NUP210L: variants seen among roughly 807,000 people sequenced by gnomAD.
NUP210L encodes the protein nucleoporin 210 like.
In NUP210L, 74 loss-of-function variants were observed where a neutral mutation model predicts 208.5. That is an observed-to-expected ratio of 0.35 (90% CI 0.29 to 0.43). NUP210L has a LOEUF of 0.43. Ranked by LOEUF, NUP210L falls within the 20% of genes least tolerant of loss-of-function variation. NUP210L has a pLI of 1.00. For synonymous variants in NUP210L, 780 were observed against 816.9 expected, an observed-to-expected ratio of 0.95 and a Z score of 0.77; for missense variants, 1,843 against 2,289.4, an observed-to-expected ratio of 0.81 and a Z score of 3.98.
At chr1:154,117,043 G>C (rs1430730413) in intron 12 of NUP210L, among the ~76,000 whole-genome samples, 1 of 152,106 alleles carries the variant, frequency 6.6e-6, no homozygotes, top group African/African-American at 2.4e-5. Flanking sequence ...TGTAACAAAT[G>C]CTCAAAATGT....
intron 14 of NUP210L, among the ~76,000 whole-genome samples, chr1:154,098,335 A>G (rs1431843788): frequency 1.3e-5 from 2 of 152,144 alleles, no homozygotes; most frequent in African/African-American, 4.8e-5. Flanking sequence ...CTTCACCCAC[A>G]ACGTGGTGAG....
chr1:154,126,811 T>A lies in NUP210L; in HGVS notation c.1186-348A>T, dbSNP rs569042976. Among the ~76,000 whole-genome samples, 11 of 152,206 alleles carry A rather than the reference T, an allele frequency of 7.2e-5. No homozygotes were observed. In the East Asian group the frequency reaches 2.1e-3, roughly 29 times the overall value. On this transcript the variant is annotated intron_variant, in intron 9 of 39. Coordinates refer to ENST00000368559, the Ensembl canonical transcript of NUP210L. ...TCACATCTGATATTCATATTACTAC[T>A]CTCACCACTACAAAACTCTGGTAAC...
At chr1:154,001,602 T>G in intron 36 of NUP210L, 133 bp downstream of exon 36, 2 of 1,015,002 alleles carry the variant, frequency 2.0e-6, no homozygotes, top group Non-Finnish European at 2.9e-6. Flanking sequence ...GTTTTCTTCA[T>G]TTGATTTTGT....
At chr1:154,058,481 A>G in intron 21 of NUP210L, 84 bp downstream of exon 21, 1 of 1,459,410 alleles carries the variant, frequency 6.9e-7, no homozygotes. Context: ...CACACACAGT[A>G]GCTGAGCAGA....
At chr1:154,100,003 G>C in exon 14 of NUP210L, 1 of 1,614,086 alleles carries the variant, frequency 6.2e-7, no homozygotes, top group Non-Finnish European at 8.5e-7. Context: ...CTTACCTTTA[G>C]GGGTTCATAA....
intron 27 of NUP210L, chr1:154,040,050 G>C (rs994250296): frequency 1.3e-5 from 2 of 152,012 alleles, no homozygotes; most frequent in African/African-American, 4.8e-5. Flanking sequence ...ACGGGATCTC[G>C]CTCTATCTAT....
chr1:154,092,554 T>G (rs1277998322), intron 15 of NUP210L, among the ~76,000 whole-genome samples: 6 of 150,730 alleles, frequency 4.0e-5, no homozygotes, highest in African/African-American at 1.5e-4. Context: ...TTTTTTGTTT[T>G]TTTTTTTTTT....
intron 31 of NUP210L, among the ~76,000 whole-genome samples, chr1:154,022,626 T>C (rs1430611352): frequency 6.6e-6 from 1 of 151,224 alleles, no homozygotes; most frequent in Admixed American, 6.6e-5. Flanking sequence ...ATTTAAGATA[T>C]CCTGCATTTT....
At chr1:154,049,279 G>A (rs1422578756) in intron 25 of NUP210L, among the ~76,000 whole-genome samples, 2 of 152,162 alleles carry the variant, frequency 1.3e-5, no homozygotes, top group Non-Finnish European at 2.9e-5. Context: ...TTATGGAGAA[G>A]AGATTTATTA....
chr1:153,995,104 C>T lies in NUP210L; in HGVS notation c.5463G>A (p.Val1821=), dbSNP rs756177616. The change falls in exon 38 of 40, where the codon GTG becomes GTA. Residue 1821 remains valine, a synonymous_variant. Transcript: ENST00000368559. The stretch of plus-strand genomic sequence containing the variant: ...GGAAGATGGAAGCTGTTGATGCCAG[C>T]ACTGCAAAGAGGGTCAAGAGCAGGA... 4 of 1,613,186 alleles carry T rather than the reference C, an allele frequency of 2.5e-6. 1 individual carries two copies. The highest frequency in any genetic ancestry group is 2.2e-5 in the South Asian group (2 of 91,068).
intron 14 of NUP210L, 79 bp downstream of exon 14, chr1:154,099,919 A>G: frequency 7.1e-7 from 1 of 1,403,046 alleles, no homozygotes; most frequent in Non-Finnish European, 1.0e-6. Flanking sequence ...TGGGGACCAC[A>G]GATAGCTAGT....
intron 2 of NUP210L, among the ~76,000 whole-genome samples, chr1:154,146,386 A>C (rs2148153007): frequency 6.6e-6 from 1 of 152,316 alleles, no homozygotes; most frequent in African/African-American, 2.4e-5. Flanking sequence ...CTAGTTAATA[A>C]GTATGGAATA....
intron 31 of NUP210L, among the ~76,000 whole-genome samples, 167 bp downstream of exon 31, chr1:154,022,955 G>A (rs1169109122): frequency 1.3e-5 from 2 of 151,992 alleles, no homozygotes; most frequent in Non-Finnish European, 2.9e-5. Flanking sequence ...GAGGTTACAG[G>A]TGTGAGCCAC....
intron 15 of NUP210L, among the ~76,000 whole-genome samples, chr1:154,089,991 C>T (rs578149975): frequency 2.0e-5 from 3 of 151,998 alleles, no homozygotes; most frequent in South Asian, 2.1e-4. Context: ...GCAGGAGGAT[C>T]GCTTGAACCC....
chr1:154,136,109 TA>T, intron 6 of NUP210L, 137 bp from the exon 7 acceptor site: 1 of 646,586 alleles, frequency 1.5e-6, no homozygotes. Flanking sequence ...TTTTTCCTGC[TA>T]TGATGAATTT....
intron 27 of NUP210L, among the ~76,000 whole-genome samples, chr1:154,043,446 C>CTGGGATTA (rs1444155977): frequency 6.6e-6 from 1 of 152,000 alleles, no homozygotes; most frequent in Non-Finnish European, 1.5e-5. Context: ...ACCCGCGTAG[C>CTGGGATTA]TGGGATTACA....
intron 29 of NUP210L, among the ~76,000 whole-genome samples, chr1:154,027,144 C>T (rs991116822): frequency 2.7e-5 from 4 of 150,382 alleles, no homozygotes; most frequent in Middle Eastern, 3.4e-3. Context: ...CTGTATGATT[C>T]CATTTATATG....
chr1:154,135,819 T>C, exon 7 of NUP210L: 2 of 1,613,976 alleles, frequency 1.2e-6, no homozygotes, highest in East Asian at 2.2e-5. Context: ...GATACTTTTA[T>C]GGACAAAGAC....
chr1:154,088,938 T>C (rs1399780649), intron 16 of NUP210L, among the ~76,000 whole-genome samples: 1 of 152,214 alleles, frequency 6.6e-6, no homozygotes, highest in African/African-American at 2.4e-5. Flanking sequence ...TTATTGTTTA[T>C]CACTATTCTT....
Sources: allele counts gnomAD v4.1 joint callset (sites outside exome capture counted in the v4.1 genomes callset), GRCh38; gene constraint gnomAD v4.1.1; transcripts MANE v1.5; gene names NCBI Gene and HGNC (gene_info 2026-07-23, HGNC 2026-07-21).